The following HS3ST4 variants were observed in gnomAD, a reference collection of about 807,000 sequenced individuals.
HS3ST4 encodes heparan sulfate-glucosamine 3-sulfotransferase 4.
In HS3ST4, 17 loss-of-function variants were observed where a neutral mutation model predicts 29.2. The ratio of observed to expected loss-of-function variants is 0.58; its 90% CI spans 0.40 to 0.87. The LOEUF is 0.87. Ranked by LOEUF, HS3ST4 falls within the 40% of genes least tolerant of loss-of-function variation. HS3ST4 has a pLI of 0.00. For synonymous variants in HS3ST4, 314 were observed against 285.7 expected (o/e 1.10, Z -1.00); for missense variants, 627 against 634.5 (o/e 0.99, Z 0.13).
chr16:25,775,997 A>G (rs895717502), intron 1 of HS3ST4, among the ~76,000 whole-genome samples: 9 of 152,240 alleles, frequency 5.9e-5, no homozygotes, highest in Non-Finnish European at 1.3e-4. Flanking sequence ...GGTGAAGCTC[A>G]GCTTTGGGTC....
chr16:25,910,647 CAA>C (rs1026963791), intron 1 of HS3ST4, among the ~76,000 whole-genome samples: 1 of 134,000 alleles, frequency 7.5e-6, no homozygotes, highest in African/African-American at 2.8e-5. Context: ...GACTCTGTCT[CAA>C]AAAAAAAAAA....
At chr16:25,786,402 A>G (rs1966857754) in intron 1 of HS3ST4, among the ~76,000 whole-genome samples, 1 of 152,210 alleles carries the variant, frequency 6.6e-6, no homozygotes, top group Non-Finnish European at 1.5e-5. Flanking sequence ...TGAGAGGATT[A>G]AGCAAAAAAT....
At chr16:25,924,585 A>T (rs566848293) in intron 1 of HS3ST4, among the ~76,000 whole-genome samples, 4 of 152,192 alleles carry the variant, frequency 2.6e-5, no homozygotes, top group African/African-American at 9.7e-5. Flanking sequence ...ACCCATTTTC[A>T]TATGTTACCC....
intron 1 of HS3ST4, among the ~76,000 whole-genome samples, chr16:25,716,698 G>C (rs1203976726): frequency 6.6e-6 from 1 of 152,208 alleles, no homozygotes; most frequent in East Asian, 1.9e-4. Context: ...GTTTCAGGCA[G>C]AGCATCTTAT....
intron 1 of HS3ST4, among the ~76,000 whole-genome samples, chr16:25,997,146 A>G (rs1969165147): frequency 6.6e-6 from 1 of 152,186 alleles, no homozygotes; most frequent in African/African-American, 2.4e-5. Flanking sequence ...TTCTAGATTT[A>G]CAATAATATC....
intron 1 of HS3ST4, among the ~76,000 whole-genome samples, chr16:26,071,141 G>A (rs527538870): frequency 3.0e-4 from 46 of 151,478 alleles, no homozygotes; most frequent in African/African-American, 1.1e-3. Flanking sequence ...TATGCATGAA[G>A]CCCTATAGGC....
chr16:25,738,821 C>T (rs1199084671), intron 1 of HS3ST4, among the ~76,000 whole-genome samples: 1 of 152,158 alleles, frequency 6.6e-6, no homozygotes, highest in African/African-American at 2.4e-5. Context: ...GTCCCAGAAC[C>T]ATACTCTCTG....
At chr16:25,958,353 A>G (rs779385199) in intron 1 of HS3ST4, among the ~76,000 whole-genome samples, 20 of 152,166 alleles carry the variant, frequency 1.3e-4, no homozygotes, top group African/African-American at 4.3e-4. Context: ...TTTCCTTGAG[A>G]AGGAGTCTTG....
chr16:25,816,553 T>G (rs1217361884), intron 1 of HS3ST4, among the ~76,000 whole-genome samples: 1 of 152,252 alleles, frequency 6.6e-6, no homozygotes, highest in African/African-American at 2.4e-5. Flanking sequence ...TGTCTCTATT[T>G]ATGATTCCAA....
At chr16:25,792,011 T>G (rs1274234318) in intron 1 of HS3ST4, among the ~76,000 whole-genome samples, 1 of 151,994 alleles carries the variant, frequency 6.6e-6, no homozygotes, top group Non-Finnish European at 1.5e-5. Flanking sequence ...GTTGCTTTTT[T>G]GTTAGATTTT....
At chr16:25,777,919 G>A (rs1966849110) in intron 1 of HS3ST4, among the ~76,000 whole-genome samples, 1 of 152,154 alleles carries the variant, frequency 6.6e-6, no homozygotes, top group Non-Finnish European at 1.5e-5. Flanking sequence ...TGTATAGTTT[G>A]TTTCCATTTG....
intron 1 of HS3ST4, among the ~76,000 whole-genome samples, chr16:26,064,189 A>G (rs747096896): frequency 2.0e-5 from 3 of 152,172 alleles, no homozygotes; most frequent in Non-Finnish European, 2.9e-5. Flanking sequence ...TCTCCAATAG[A>G]TGTCATACAG....
rs757258200 is a variant in HS3ST4 at position 26,054,329 on chromosome 16, GAGA to G, written c.735-81269_735-81267del. 5.4e-4 allele frequency among the ~76,000 whole-genome samples: 76 copies of G among 141,186 alleles called. 1 individual carries two copies. Among genetic ancestry groups the G allele is most frequent in the Admixed American group, 2.7e-3 (39 of 14,662 alleles). The allele number at this position is 141,186 out of a possible 152,430, so 92.6% of individuals were successfully genotyped here. A position where few individuals can be genotyped will look rare whatever the true frequency, so the allele number is the denominator to read the frequency against. ...GGAGGAGGAAGAAGAAGAAGAAGAA[GAGA>G]AGAAGAAGAAGAATGCATTAAGATT... On this transcript the variant is annotated intron_variant, in intron 1 of 1. Transcript: ENST00000331351.
intron 1 of HS3ST4, among the ~76,000 whole-genome samples, chr16:25,822,077 T>C (rs1967163196): frequency 6.6e-6 from 1 of 152,138 alleles, no homozygotes; most frequent in Non-Finnish European, 1.5e-5. Context: ...AGTCTATTCT[T>C]TGAAATCTCT....
chr16:25,895,433 A>G (rs1184082417), intron 1 of HS3ST4, among the ~76,000 whole-genome samples: 1 of 152,046 alleles, frequency 6.6e-6, no homozygotes, highest in Non-Finnish European at 1.5e-5. Flanking sequence ...ACTCTGATAG[A>G]TTTGTGGAGG....
At chr16:26,034,204 G>A (rs1398678770) in intron 1 of HS3ST4, among the ~76,000 whole-genome samples, 2 of 152,156 alleles carry the variant, frequency 1.3e-5, no homozygotes. Flanking sequence ...GATGAGGGCA[G>A]GCTAATGGGC....
At chr16:25,966,754 A>C (rs748633651) in intron 1 of HS3ST4, among the ~76,000 whole-genome samples, 2 of 152,066 alleles carry the variant, frequency 1.3e-5, no homozygotes, top group Non-Finnish European at 2.9e-5. Flanking sequence ...ATTCCTACTT[A>C]ATGTTTGATG....
rs1420579904 is a variant in HS3ST4, at chr16:26,008,078, C to G, written c.735-127534C>G. Among the ~76,000 whole-genome samples, 7 of 152,284 alleles carry G rather than the reference C, an allele frequency of 4.6e-5. No individual in the cohort carries two copies. The Middle Eastern group carries it at 0.014, about 296-fold the overall frequency. On this transcript the variant is annotated intron_variant, in intron 1 of 1. Transcript: ENST00000331351. Reference sequence around the variant, plus strand: ...TCTTTGGCTGGATCCAGAAACCAAACAGACATCAGGCAGATTAACAAGAGA... The same window carrying G: ...TCTTTGGCTGGATCCAGAAACCAAAGAGACATCAGGCAGATTAACAAGAGA...
chr16:25,753,924 C>A (rs376791314), intron 1 of HS3ST4, among the ~76,000 whole-genome samples: 1 of 152,088 alleles, frequency 6.6e-6, no homozygotes, highest in Non-Finnish European at 1.5e-5. Flanking sequence ...TGCCTTCATG[C>A]AATTTGCTAG....
Sources: allele counts gnomAD v4.1 joint callset (sites outside exome capture counted in the v4.1 genomes callset), GRCh38; gene constraint gnomAD v4.1.1; transcripts MANE v1.5; gene names NCBI Gene and HGNC (gene_info 2026-07-23, HGNC 2026-07-21).